The following ANK3 variants were observed in gnomAD, a reference collection of about 807,000 sequenced individuals.
The protein encoded by ANK3 is ankyrin 3, also known as ankyrin-3.
ANK3 carries 57 observed loss-of-function variants against 370.9 expected under a neutral mutation model. That is an observed-to-expected ratio of 0.15 (90% CI 0.12 to 0.19). The LOEUF is 0.19. Among genes scored for constraint, ANK3 ranks in the 10% least tolerant of loss-of-function variants. The pLI is 1.00. For missense variants in ANK3, 4,439 were observed against 5,302.1 expected (o/e 0.84, Z 5.06); for synonymous variants, 1,929 against 1,946.3 (o/e 0.99, Z 0.23).
chr10:60,309,045 T>C (rs1227812701), intron 1 of ANK3, among the ~76,000 whole-genome samples: 1 of 152,178 alleles, frequency 6.6e-6, no homozygotes, highest in African/African-American at 2.4e-5. Context: ...TGGCCCTAGA[T>C]GCAAATGAGG....
intron 2 of ANK3, among the ~76,000 whole-genome samples, chr10:60,590,558 A>G (rs141037351): frequency 6.6e-6 from 1 of 152,316 alleles, no homozygotes; most frequent in East Asian, 1.9e-4. Flanking sequence ...AGATCAACTT[A>G]CAAGTGAAGA....
At chr10:60,694,360 AG>A (rs1213818303) in intron 1 of ANK3, among the ~76,000 whole-genome samples, 9 of 152,364 alleles carry the variant, frequency 5.9e-5, no homozygotes, top group African/African-American at 2.2e-4. Context: ...CAATCTAGCA[AG>A]GCAGGCCAAC....
intron 1 of ANK3, among the ~76,000 whole-genome samples, chr10:60,281,547 A>G (rs895399009): frequency 7.2e-5 from 11 of 152,186 alleles, no homozygotes; most frequent in Admixed American, 6.5e-4. Flanking sequence ...GTCTCAGCAC[A>G]AGGCAATGTG....
intron 23 of ANK3, among the ~76,000 whole-genome samples, chr10:60,157,878 GAGAGAAAA>G (rs1338677035): frequency 3.5e-4 from 36 of 101,662 alleles, no homozygotes; most frequent in African/African-American, 1.2e-3. Flanking sequence ...CAGAGAGAGA[GAGAGAAAA>G]AGAGAGAGAG....
chr10:60,311,118 T>G (rs1044071595), intron 1 of ANK3, among the ~76,000 whole-genome samples: 1 of 152,190 alleles, frequency 6.6e-6, no homozygotes, highest in African/African-American at 2.4e-5. Context: ...TGGTGGTGGT[T>G]GTTCAATTAC....
At position 60,070,203 on chromosome 10, in the gene ANK3, G is replaced by T. The variant is rs777899600; in HGVS notation, c.10678C>A (p.Arg3560=). ...GDDEVFDSKS[R]EDETKPFGLA... is the part of the protein sequence containing the mutation. ...CCAAATGGCTTAGTTTCATCTTCCC[G>T]TGATTTACTGTCAAAAACTTCATCA... The change falls in exon 37 of 44, where the codon CGG becomes AGG. Residue 3560 remains arginine (R), a synonymous_variant. Coordinates refer to ENST00000280772, the MANE Select transcript of ANK3 (RefSeq NM_020987.5). The surrounding 1 kb of genome is among the most constrained non-coding windows in gnomAD (Gnocchi z 5.7). The T allele has an allele frequency of 1.2e-6, 2 of 1,614,112 alleles. No homozygotes were observed. The highest frequency in any genetic ancestry group is 1.7e-6 in the Non-Finnish European group (2 of 1,180,004).
intron 18 of ANK3, among the ~76,000 whole-genome samples, chr10:60,173,392 G>T (rs1591246472): frequency 6.6e-6 from 1 of 152,146 alleles, no homozygotes; most frequent in Non-Finnish European, 1.5e-5. Context: ...CCATAAAATT[G>T]TTAGCTCCCC....
chr10:60,263,752 G>A lies in ANK3; in HGVS notation c.699+83C>T, dbSNP rs149449936. 2,417 of 1,518,742 alleles carry A rather than the reference G, an allele frequency of 1.6e-3. 37 individuals are homozygous for A. In the East Asian group the frequency reaches 0.037, roughly 24 times the overall value. 94.1% of individuals were successfully genotyped at this position (1,518,742 alleles called of 1,614,324 possible). A position where few individuals can be genotyped will look rare whatever the true frequency, so the allele number is the denominator to read the frequency against. ...AGTTAAAGGCATGGCATAAGCTTGCGAAGAGGGAGACCGGGTGCTCTTAAA... is the reference window on the plus strand; with the variant it reads ...AGTTAAAGGCATGGCATAAGCTTGCAAAGAGGGAGACCGGGTGCTCTTAAA... On this transcript the variant is annotated intron_variant, in intron 6 of 43. Coordinates refer to ENST00000280772, the MANE Select transcript of ANK3 (RefSeq NM_020987.5).
At chr10:60,486,053 C>T (rs2075339224) in intron 2 of ANK3, among the ~76,000 whole-genome samples, 2 of 152,066 alleles carry the variant, frequency 1.3e-5, no homozygotes, top group South Asian at 2.1e-4. Flanking sequence ...AAGAATGGAA[C>T]GTCATGTTTC....
chr10:60,483,028 G>A (rs1230986989), intron 2 of ANK3, among the ~76,000 whole-genome samples: 2 of 152,208 alleles, frequency 1.3e-5, no homozygotes, highest in Non-Finnish European at 2.9e-5. Context: ...ATGTGGATAT[G>A]TCAGTGCTGA....
In ANK3 at chr10:60,075,640, A is replaced by G; in HGVS notation, c.5241T>C (p.Ser1747=). The G allele has an allele frequency of 6.2e-7, 1 of 1,614,116 alleles. No individual in the cohort carries two copies. Among genetic ancestry groups the G allele is most frequent in the Non-Finnish European group, 8.5e-7 (1 of 1,179,986 alleles). Residue 1747 remains serine, a synonymous_variant, in exon 37 of 44, where the codon TCT becomes TCC. Coordinates refer to ENST00000280772, the MANE Select transcript of ANK3 (RefSeq NM_020987.5). ...CCACAGAGCTCACAGAGTTTGTAGCAGAAGAAATTTTTTCCTGTAACGTGG... is the reference window on the plus strand; with the variant it reads ...CCACAGAGCTCACAGAGTTTGTAGCGGAAGAAATTTTTTCCTGTAACGTGG... ...ATATLQEKIS[S]ATNSVSSVVS...
chr10:60,151,148 A>G (rs2095093518), intron 23 of ANK3, among the ~76,000 whole-genome samples: 7 of 152,202 alleles, frequency 4.6e-5, no homozygotes, highest in Admixed American at 4.6e-4. Flanking sequence ...AGCACCAAGT[A>G]AGTAACATTT....
intron 2 of ANK3, among the ~76,000 whole-genome samples, chr10:60,547,472 T>C (rs7906293): frequency 0.011 from 1,669 of 152,180 alleles, 36 homozygotes; most frequent in African/African-American, 0.038. Context: ...CTCGGCTCAC[T>C]GCAACCTCCA....
At chr10:60,063,345 C>T in intron 39 of ANK3, 91 bp from the exon 40 acceptor site, 1 of 1,342,432 alleles carries the variant, frequency 7.4e-7, no homozygotes. Flanking sequence ...TTTTGCAGCC[C>T]TGCTGACATT....
At chr10:60,299,197 T>C (rs1277898954) in intron 1 of ANK3, among the ~76,000 whole-genome samples, 1 of 152,184 alleles carries the variant, frequency 6.6e-6, no homozygotes, top group Non-Finnish European at 1.5e-5. Context: ...ATTTCATAAT[T>C]GTACATATGC....
At position 60,189,270 on chromosome 10, in the gene ANK3, A is replaced by G. The variant is rs1432078699; in HGVS notation, c.1888-2358T>C. On this transcript the variant is annotated intron_variant, in intron 16 of 43. Coordinates refer to ENST00000280772, the MANE Select transcript of ANK3 (RefSeq NM_020987.5). ...CTACTTTAGAGGCTGAGCCAGGAGG[A>G]TCACTTGAGCTCAGGAGCTCGAGAC... Among the ~76,000 whole-genome samples the G allele has an allele frequency of 3.3e-5, 5 of 152,324 alleles. No homozygotes were observed. In the South Asian group the frequency reaches 1.0e-3, roughly 32 times the overall value.
At chr10:60,358,817 T>C (rs2058174842) in intron 1 of ANK3, among the ~76,000 whole-genome samples, 1 of 152,188 alleles carries the variant, frequency 6.6e-6, no homozygotes, top group South Asian at 2.1e-4. Flanking sequence ...TCTTTGCACT[T>C]GTTGTTCCTT....
intron 1 of ANK3, among the ~76,000 whole-genome samples, chr10:60,342,553 T>A (rs1403418729): frequency 6.6e-6 from 1 of 152,188 alleles, no homozygotes; most frequent in Non-Finnish European, 1.5e-5. Flanking sequence ...GTATTGGCAG[T>A]ACTTAATTAC....
intron 28 of ANK3, among the ~76,000 whole-genome samples, chr10:60,094,710 A>T (rs2089697899): frequency 6.6e-6 from 1 of 152,140 alleles, no homozygotes; most frequent in Non-Finnish European, 1.5e-5. Context: ...AAAAAAAAAT[A>T]AATGACATAG....
Sources: gnomAD v4.1 joint callset for allele counts (sites outside exome capture counted in the v4.1 genomes callset) on GRCh38, gnomAD v4.1.1 for gene constraint, Gnocchi (gnomAD v3.1) non-coding constraint, MANE v1.5 for transcripts, NCBI Gene and HGNC (gene_info 2026-07-23, HGNC 2026-07-21) for gene names.